The following SGCZ variants were observed in gnomAD, a reference collection of about 807,000 sequenced individuals.
SGCZ encodes sarcoglycan zeta.
A neutral mutation model predicts 41.3 loss-of-function variants in SGCZ; 40 were observed. The observed-to-expected ratio is 0.97, with a 90% CI of 0.75 to 1.26. SGCZ has a LOEUF of 1.26. Among genes scored for constraint, SGCZ ranks in the 50% most tolerant of loss-of-function variants. The probability of loss-of-function intolerance (pLI) is 0.00; values close to 1 mark genes in which losing one functional copy is unlikely to be tolerated. For synonymous variants in SGCZ, 206 were observed against 137.5 expected (o/e 1.50, Z -3.49); for missense variants, 552 against 369.8 (o/e 1.49, Z -4.04).
chr8:14,410,190 G>A (rs541075991), intron 2 of SGCZ, among the ~76,000 whole-genome samples: 7 of 152,186 alleles, frequency 4.6e-5, no homozygotes, highest in African/African-American at 1.7e-4. Flanking sequence ...GATGATCTGA[G>A]GTGGAACATT....
intron 2 of SGCZ, among the ~76,000 whole-genome samples, chr8:14,521,813 A>T (rs764097602): frequency 6.6e-6 from 1 of 152,070 alleles, no homozygotes; most frequent in African/African-American, 2.4e-5. Context: ...GAGTGATGAG[A>T]GTAGTTATCA....
At chr8:14,999,820 C>T (rs1242392121) in intron 1 of SGCZ, among the ~76,000 whole-genome samples, 1 of 152,104 alleles carries the variant, frequency 6.6e-6, no homozygotes, top group South Asian at 2.1e-4. Context: ...AAGACAATCG[C>T]GGAACAGCAA....
chr8:15,062,796 G>A (rs1280175984), intron 1 of SGCZ, among the ~76,000 whole-genome samples: 3 of 152,050 alleles, frequency 2.0e-5, no homozygotes, highest in African/African-American at 7.2e-5. Context: ...ACAGTCTTAC[G>A]TATAGTAAAA....
intron 1 of SGCZ, among the ~76,000 whole-genome samples, chr8:15,136,169 A>AGGTGT (rs1240290975): frequency 2.0e-5 from 3 of 152,080 alleles, no homozygotes; most frequent in Non-Finnish European, 4.4e-5. Context: ...CTCTGGAGTC[A>AGGTGT]AGCCCCACCT....
At chr8:14,600,060 T>A (rs1476970517) in intron 1 of SGCZ, among the ~76,000 whole-genome samples, 4 of 152,196 alleles carry the variant, frequency 2.6e-5, no homozygotes, top group African/African-American at 9.7e-5. Flanking sequence ...TCAAAAGTCA[T>A]CAATAATTAA....
At chr8:14,121,139 A>C (rs565467564) in intron 5 of SGCZ, among the ~76,000 whole-genome samples, 6 of 152,126 alleles carry the variant, frequency 3.9e-5, no homozygotes, top group African/African-American at 1.4e-4. Flanking sequence ...TCTCACGGAA[A>C]CTCAACTTAA....
chr8:14,734,236 G>C (rs1240464037), intron 1 of SGCZ, among the ~76,000 whole-genome samples: 2 of 152,104 alleles, frequency 1.3e-5, no homozygotes, highest in Non-Finnish European at 2.9e-5. Context: ...GTGTTATCAA[G>C]ATTAAATTCT....
chr8:14,196,259 G>C (rs890322985), intron 4 of SGCZ, among the ~76,000 whole-genome samples: 3 of 122,524 alleles, frequency 2.4e-5, no homozygotes, highest in East Asian at 2.5e-4. Context: ...AAATTAATTA[G>C]AGTAATTTTT....
In SGCZ at chr8:14,822,642, C is replaced by T. The variant is rs139920034; in HGVS notation, c.40-267716G>A. Among the ~76,000 whole-genome samples, 287 of 151,980 alleles carry T rather than the reference C, an allele frequency of 1.9e-3. 1 individual carries two copies. The highest frequency in any genetic ancestry group is 4.1e-3 in the Admixed American group (63 of 15,258). ...GTATAAAAACAGATATGTAAACCAA[C>T]AGAACAAAAGAGAGCCCAGAAACAA... On this transcript the variant is annotated intron_variant, in intron 1 of 7. Transcript: ENST00000382080.
chr8:15,190,365 C>CATTCATTG, intron 1 of SGCZ, among the ~76,000 whole-genome samples: 1 of 151,780 alleles, frequency 6.6e-6, no homozygotes, highest in South Asian at 2.1e-4. Context: ...TTCATTCATT[C>CATTCATTG]ATCTATTATG....
intron 5 of SGCZ, among the ~76,000 whole-genome samples, chr8:14,116,642 A>C (rs1415742943): frequency 1.3e-5 from 2 of 151,998 alleles, no homozygotes; most frequent in Non-Finnish European, 2.9e-5. Flanking sequence ...TGTTTCTGTG[A>C]GATTATTTAC....
At chr8:14,147,675 C>T (rs1169131471) in intron 5 of SGCZ, among the ~76,000 whole-genome samples, 2 of 152,104 alleles carry the variant, frequency 1.3e-5, no homozygotes, top group African/African-American at 2.4e-5. Context: ...AATAAAGAAG[C>T]ATCTGACTTA....
chr8:14,374,036 A>G (rs766852498), intron 2 of SGCZ, among the ~76,000 whole-genome samples: 41 of 152,364 alleles, frequency 2.7e-4, no homozygotes, highest in Non-Finnish European at 2.9e-4. Flanking sequence ...AAAATTGATG[A>G]CACATGAGAA....
chr8:14,369,597 G>A (rs186416126), intron 2 of SGCZ, among the ~76,000 whole-genome samples: 12 of 151,984 alleles, frequency 7.9e-5, no homozygotes, highest in Admixed American at 2.6e-4. Flanking sequence ...TGGAAAAGTC[G>A]TTTGGGAATA....
chr8:14,483,640 G>A (rs13267537), intron 2 of SGCZ, among the ~76,000 whole-genome samples: 137,820 of 152,224 alleles, frequency 0.91, 63,748 homozygotes, highest in East Asian at 1. Context: ...TGTAAATTAC[G>A]TTGATAAAGA....
rs867629890 is a variant in SGCZ at position 14,582,806 on chromosome 8, G to A, written c.40-27880C>T. ...AGTTTACTGAGAATGATGATTTCCA[G>A]TTTCATCCATGTCCCTACAAAGGAC... On this transcript the variant is annotated intron_variant, in intron 1 of 7. Transcript: ENST00000382080. Among the ~76,000 whole-genome samples, 995 of 150,990 alleles carry A rather than the reference G, an allele frequency of 6.6e-3. 10 individuals carry two copies. Among genetic ancestry groups the A allele is most frequent in the African/African-American group, 0.022 (917 of 40,902 alleles).
chr8:14,734,191 C>T (rs577926476), intron 1 of SGCZ, among the ~76,000 whole-genome samples: 21 of 152,114 alleles, frequency 1.4e-4, no homozygotes, highest in Admixed American at 4.6e-4. Context: ...GTGACTCTGG[C>T]AGCTGGCCGA....
At chr8:14,358,151 G>T (rs1006361894) in intron 2 of SGCZ, among the ~76,000 whole-genome samples, 7 of 152,276 alleles carry the variant, frequency 4.6e-5, no homozygotes, top group African/African-American at 1.7e-4. Flanking sequence ...TTAATTCCAT[G>T]TAATTGGTTA....
intron 3 of SGCZ, among the ~76,000 whole-genome samples, chr8:14,318,366 T>G (rs992664876): frequency 2.6e-4 from 40 of 151,958 alleles, no homozygotes; most frequent in Non-Finnish European, 5.4e-4. Flanking sequence ...TAAATTTTTT[T>G]GAACAACCAA....
Sources: allele counts gnomAD v4.1 joint callset (sites outside exome capture counted in the v4.1 genomes callset), GRCh38; gene constraint gnomAD v4.1.1; transcripts MANE v1.5; gene names NCBI Gene and HGNC (gene_info 2026-07-23, HGNC 2026-07-21).